Variants in MYH16 observed in about 807,000 individuals in gnomAD.
The protein encoded by MYH16 is putative uncharacterized protein MYH16.
chr7:99,284,667 A>T (rs1474315633), intron 25 of MYH16, among the ~76,000 whole-genome samples, 178 bp from the exon 8 acceptor site: 2 of 152,178 alleles, frequency 1.3e-5, no homozygotes, highest in Non-Finnish European at 2.9e-5. Context: ...TCAGGGGTCT[A>T]ACTGCTCTGT....
At position 99,258,434 on chromosome 7, in the gene MYH16, C is replaced by T. The variant is rs57681433; in HGVS notation, n.1404+44C>T. 0.014 allele frequency: 2,090 copies of T among 153,536 alleles called. 113 individuals are homozygous for T. The South Asian group carries it at 0.18, about 13-fold the overall frequency. The allele number at this position is 153,536 out of a possible 1,614,324, so 9.5% of individuals were successfully genotyped here. On this transcript the variant is annotated intron_variant and non_coding_transcript_variant, in intron 11 of 41. Coordinates refer to ENST00000439784, the Ensembl canonical transcript of MYH16. ...TTGGTTTTTGCTTTGGGGTGGCTGTCCTCCTTATATAAGCTACTTTTTTGC... is the reference window on the plus strand; with the variant it reads ...TTGGTTTTTGCTTTGGGGTGGCTGTTCTCCTTATATAAGCTACTTTTTTGC...
downstream of MYH16, among the ~76,000 whole-genome samples, chr7:99,308,286 C>A (rs1438740107): frequency 1.5e-4 from 14 of 91,790 alleles, no homozygotes; most frequent in Admixed American, 1.9e-3. Flanking sequence ...CAGAGCGAGG[C>A]TCTGTCTAAA....
chr7:99,286,794 C>CA (rs111689587), intron 28 of MYH16, among the ~76,000 whole-genome samples: 22,024 of 149,094 alleles, frequency 0.15, 4,784 homozygotes, highest in African/African-American at 0.48. Flanking sequence ...GCCCATCTCT[C>CA]AAAAAAAAAA....
At chr7:99,279,612 G>A (rs1441376901) in exon 22 of MYH16, 4 of 456,552 alleles carry the variant, frequency 8.8e-6, no homozygotes, top group Non-Finnish European at 1.8e-5. Context: ...GCGGCTGGAG[G>A]AGGAAGAGGG....
downstream of MYH16, chr7:99,310,622 G>A (rs1236575249): frequency 1.3e-5 from 2 of 152,204 alleles, no homozygotes; most frequent in Non-Finnish European, 2.9e-5. Flanking sequence ...AAGCTTCCTA[G>A]GCATCCCAGG....
At chr7:99,296,823 C>T (rs758157479) in exon 34 of MYH16, 25 of 456,824 alleles carry the variant, frequency 5.5e-5, no homozygotes, top group Non-Finnish European at 1.1e-4. Context: ...AGGAGTGCCG[C>T]ATGTACATGA....
chr7:99,309,533 C>A (rs1362280622), downstream of MYH16, among the ~76,000 whole-genome samples: 3 of 152,220 alleles, frequency 2.0e-5, no homozygotes, highest in African/African-American at 7.2e-5. Flanking sequence ...AAGCTTGTCT[C>A]TGCATTAATG....
At chr7:99,270,483 G>A (rs527319680) in intron 18 of MYH16, among the ~76,000 whole-genome samples, 12 of 151,562 alleles carry the variant, frequency 7.9e-5, no homozygotes, top group African/African-American at 2.9e-4. Flanking sequence ...CACCACGCCC[G>A]GCTTTTTGTA....
At chr7:99,260,785 G>A (rs561481785) in intron 12 of MYH16, 2 of 155,306 alleles carry the variant, frequency 1.3e-5, no homozygotes, top group South Asian at 4.0e-4. Context: ...AAGAATGTGT[G>A]TTGTGGCCAG....
exon 36 of MYH16, chr7:99,297,900 G>C (rs751463019): frequency 1.5e-5 from 7 of 456,620 alleles, no homozygotes; most frequent in South Asian, 1.1e-4. Flanking sequence ...AGGTTGAAGA[G>C]AGCAAGGTGA....
intron 23 of MYH16, among the ~76,000 whole-genome samples, chr7:99,282,208 T>G (rs1385609477): frequency 6.6e-6 from 1 of 151,970 alleles, no homozygotes; most frequent in Non-Finnish European, 1.5e-5. Flanking sequence ...GTATTTTTAG[T>G]AGAGACAGGG....
chr7:99,300,350 A>G (rs1323854538), intron 37 of MYH16, among the ~76,000 whole-genome samples: 1 of 152,176 alleles, frequency 6.6e-6, no homozygotes, highest in Non-Finnish European at 1.5e-5. Flanking sequence ...TATACCCACT[A>G]CTTGCTTTAA....
exon 33 of MYH16, chr7:99,294,119 A>G (rs771628433): frequency 8.8e-6 from 4 of 456,340 alleles, no homozygotes; most frequent in African/African-American, 8.0e-5. Flanking sequence ...CTCCAGGCAG[A>G]AGTTGAGGAC....
chr7:99,272,617 C>T (rs1237450332), intron 19 of MYH16, among the ~76,000 whole-genome samples: 1 of 151,912 alleles, frequency 6.6e-6, no homozygotes, highest in Non-Finnish European at 1.5e-5. Context: ...GGTGGTGGTG[C>T]ATGCCTGTAG....
intron 18 of MYH16, among the ~76,000 whole-genome samples, chr7:99,269,586 C>A (rs1792023885): frequency 1.3e-5 from 2 of 152,102 alleles, no homozygotes; most frequent in Admixed American, 6.6e-5. Context: ...TATTTCCTTA[C>A]CTTTCAAAAA....
chr7:99,292,265 G>A (rs1047219594), intron 31 of MYH16, 47 bp from the exon 13 acceptor site: 1 of 443,478 alleles, frequency 2.3e-6, no homozygotes, highest in Non-Finnish European at 4.6e-6. Context: ...GTGGCCCTGC[G>A]GGCTGTGGAA....
chr7:99,249,218 C>T (rs1791778121), intron 4 of MYH16, among the ~76,000 whole-genome samples: 1 of 152,090 alleles, frequency 6.6e-6, no homozygotes, highest in Non-Finnish European at 1.5e-5. Context: ...ACCTGCCTGT[C>T]TGTCCTAGCT....
chr7:99,294,568 TTTTTTTTCTTTTTTGAGATGGAA>T (rs1562785584), intron 33 of MYH16, among the ~76,000 whole-genome samples: 7 of 140,934 alleles, frequency 5.0e-5, no homozygotes, highest in Non-Finnish European at 1.5e-5. Flanking sequence ...TATATATATA[TTTTTTTTCTTTTTTGAGATGGAA>T]TTTGGCTCTT....
intron 33 of MYH16, 86 bp downstream of exon 14, chr7:99,294,236 G>A (rs1253662750): frequency 5.3e-6 from 2 of 378,564 alleles, no homozygotes; most frequent in Non-Finnish European, 1.0e-5. Flanking sequence ...ACATGTCTGG[G>A]GTCATCAGGA....
Sources: gnomAD v4.1 joint callset for allele counts (sites outside exome capture counted in the v4.1 genomes callset) on GRCh38, gnomAD v4.1.1 for gene constraint, MANE v1.5 for transcripts, NCBI Gene and HGNC (gene_info 2026-07-23, HGNC 2026-07-21) for gene names.